PREPL: variants seen among roughly 807,000 people sequenced by gnomAD.
PREPL encodes the protein prolyl endopeptidase like.
PREPL carries 77 observed loss-of-function variants against 70.6 expected under a neutral mutation model. That is an observed-to-expected ratio of 1.09 (90% CI 0.91 to 1.32). The LOEUF is 1.32. PREPL is among the 40% of genes most tolerant of loss of function. PREPL has a pLI of 0.00. For missense variants in PREPL, 1,002 were observed against 778.2 expected (o/e 1.29, Z -3.42); for synonymous variants, 315 against 264.8 (o/e 1.19, Z -1.84).
At chr2:44,344,756 T>C (rs1316300316) in intron 2 of PREPL, among the ~76,000 whole-genome samples, 170 bp from the exon 3 acceptor site, 2 of 152,242 alleles carry the variant, frequency 1.3e-5, no homozygotes, top group Admixed American at 6.5e-5. Flanking sequence ...ATGTAGTTGA[T>C]AAGATATGGT....
chr2:44,343,839 T>C lies in PREPL; in HGVS notation c.255A>G (p.Ile85Met). 1 of 1,613,990 alleles carries C rather than the reference T, an allele frequency of 6.2e-7. No homozygotes were observed. The highest frequency in any genetic ancestry group is 2.2e-5 in the East Asian group (1 of 44,874). ...APDEKYVAAK[I>M]RTEDSEASTC... The stretch of plus-strand genomic sequence containing the variant: ...TAGATGCTTCAGAATCTTCAGTTCT[T>C]ATCTTGGCAGCCACATATTTTTCAT... Residue 85 changes from isoleucine (I) to methionine (M), a missense_variant, in exon 4 of 14, where the codon ATA becomes ATG. Transcript: ENST00000409411.
chr2:44,320,418 G>A lies in PREPL; in HGVS notation c.*938C>T. Reference sequence around the variant, plus strand: ...GTTAAATCTACATAATATGATTTCGGGCCTTCCCGCTAAAATGAGAATAAG... The same window carrying A: ...GTTAAATCTACATAATATGATTTCGAGCCTTCCCGCTAAAATGAGAATAAG... On this transcript the variant is annotated 3_prime_UTR_variant, in exon 14 of 14. Coordinates refer to ENST00000409411, the MANE Select transcript of PREPL (RefSeq NM_001171613.2). The A allele has an allele frequency of 6.2e-7, 1 of 1,614,022 alleles. No homozygotes were observed.
chr2:44,340,154 G>T (rs1261061851), intron 5 of PREPL, among the ~76,000 whole-genome samples: 1 of 151,822 alleles, frequency 6.6e-6, no homozygotes, highest in Non-Finnish European at 1.5e-5. Flanking sequence ...ATTATAACAG[G>T]TTTAATGGCT....
chr2:44,326,797 G>A lies in PREPL; in HGVS notation c.1394C>T (p.Thr465Ile), dbSNP rs773521610. The A allele has an allele frequency of 1.9e-6, 3 of 1,614,162 alleles. No individual in the cohort carries two copies. Among genetic ancestry groups the A allele is most frequent in the Admixed American group, 3.3e-5 (2 of 60,024 alleles). ...GQGFSQPSLT[T>I]LTAFSAGGVL... Reference sequence around the variant, plus strand: ...CCCTCCAGCACTGAAAGCAGTCAGGGTTGTTAGACTTGGCTGAGAAAAGCC... The same window carrying A: ...CCCTCCAGCACTGAAAGCAGTCAGGATTGTTAGACTTGGCTGAGAAAAGCC... Residue 465 changes from threonine (T) to isoleucine (I), a missense_variant, in exon 10 of 14, where the codon ACC (threonine) becomes ATC (isoleucine). Transcript: ENST00000409411.
At position 44,321,418 on chromosome 2, in the gene PREPL, C is replaced by G; in HGVS notation, c.1855G>C (p.Glu619Gln). 1 of 1,612,700 alleles carries G rather than the reference C, an allele frequency of 6.2e-7. No individual in the cohort carries two copies. The highest frequency in any genetic ancestry group is 8.5e-7 in the Non-Finnish European group (1 of 1,179,108). ...KITAQIKFLYEELGLDSTSVF... is the reference protein window; with the variant it reads ...KITAQIKFLYQELGLDSTSVF... ...CTGGTGCTGTCAAGTCCAAGTTCCT[C>G]GTACAGGAATTTAATTTGGGCTGTA... Residue 619 changes from glutamate (E) to glutamine (Q), a missense_variant, in exon 14 of 14, where the codon GAG becomes CAG. By Grantham distance (29) the Glu-to-Gln change is conservative (BLOSUM62 2). Coordinates refer to ENST00000409411, the MANE Select transcript of PREPL (RefSeq NM_001171613.2).
intron 7 of PREPL, among the ~76,000 whole-genome samples, chr2:44,333,120 T>C (rs1674289479): frequency 6.6e-6 from 1 of 152,142 alleles, no homozygotes; most frequent in African/African-American, 2.4e-5. Context: ...GCCACAGTGA[T>C]GACAGTTATT....
chr2:44,328,237 C>T (rs1673722467), intron 9 of PREPL, among the ~76,000 whole-genome samples: 1 of 147,414 alleles, frequency 6.8e-6, no homozygotes, highest in South Asian at 2.2e-4. Context: ...ACTGCACACT[C>T]CAGCCTGGGC....
chr2:44,358,269 T>G (rs945092273), intron 1 of PREPL, among the ~76,000 whole-genome samples: 5 of 152,186 alleles, frequency 3.3e-5, no homozygotes, highest in African/African-American at 1.2e-4. Context: ...AGATGAACTT[T>G]GAAAGCCACT....
chr2:44,358,120 A>G (rs1326956606), intron 1 of PREPL, among the ~76,000 whole-genome samples: 1 of 152,204 alleles, frequency 6.6e-6, no homozygotes, highest in African/African-American at 2.4e-5. Flanking sequence ...TAGATTGAAA[A>G]GATAGTTTCT....
Position 44,320,401 on chromosome 2 carries a change from T to A in PREPL, c.*955A>T. ...TTTGGAGAATCAACACTGTTAAATC[T>A]ACATAATATGATTTCGGGCCTTCCC... On this transcript the variant is annotated 3_prime_UTR_variant, in exon 14 of 14. Coordinates refer to ENST00000409411, the MANE Select transcript of PREPL (RefSeq NM_001171613.2). 3.7e-6 allele frequency: 6 copies of A among 1,614,078 alleles called. No homozygotes were observed. The highest frequency in any genetic ancestry group is 5.1e-6 in the Non-Finnish European group (6 of 1,179,912).
At chr2:44,330,558 G>T (rs1034867625) in intron 8 of PREPL, among the ~76,000 whole-genome samples, 3 of 152,000 alleles carry the variant, frequency 2.0e-5, no homozygotes, top group African/African-American at 7.2e-5. Context: ...TTTAAGATTT[G>T]TTCTGTATTT....
chr2:44,345,957 C>A (rs1038035112), intron 2 of PREPL, among the ~76,000 whole-genome samples: 1 of 151,932 alleles, frequency 6.6e-6, no homozygotes, highest in Non-Finnish European at 1.5e-5. Context: ...GCCAGGGCAA[C>A]ACAGTGAGAC....
intron 1 of PREPL, among the ~76,000 whole-genome samples, chr2:44,358,167 C>A (rs372263788): frequency 8.5e-5 from 13 of 152,178 alleles, no homozygotes; most frequent in Admixed American, 2.0e-4. Context: ...CCATCAATTA[C>A]AGGAATGGAT....
In PREPL at chr2:44,320,748, A is replaced by G. The variant is rs755700908; in HGVS notation, c.*608T>C. ...GGTGAACAATCATTAATTCTTCGAT[A>G]TTTCTGTAGCTTGAATGTAACTGCT... On this transcript the variant is annotated 3_prime_UTR_variant, in exon 14 of 14. Coordinates refer to ENST00000409411, the MANE Select transcript of PREPL (RefSeq NM_001171613.2). The G allele has an allele frequency of 7.3e-5, 65 of 891,766 alleles. No homozygotes were observed. The highest frequency in any genetic ancestry group is 5.3e-4 in the South Asian group (38 of 71,848). The allele number at this position is 891,766 out of a possible 1,614,324, so 55.2% of individuals were successfully genotyped here.
chr2:44,338,990 G>A (rs1301206348), intron 6 of PREPL, among the ~76,000 whole-genome samples, 157 bp downstream of exon 6: 1 of 152,160 alleles, frequency 6.6e-6, no homozygotes, highest in Non-Finnish European at 1.5e-5. Flanking sequence ...AAAATATGTA[G>A]AGGCATTAGC....
Position 44,318,717 on chromosome 2 carries a change from T to A in PREPL, c.*2639A>T, listed in dbSNP as rs1372754817. 2.0e-5 allele frequency: 3 copies of A among 152,198 alleles called. No homozygotes were observed. The highest frequency in any genetic ancestry group is 2.0e-4 in the Admixed American group (3 of 15,274). The allele number at this position is 152,198 out of a possible 1,614,324, so 9.4% of individuals were successfully genotyped here. On this transcript the variant is annotated 3_prime_UTR_variant, in exon 14 of 14. Transcript: ENST00000409411. ...GGAAAGGTGTTGAAGAAAACCTTTT[T>A]ATAGTATGTATTCTTGTAATTGAAT... is the stretch of plus-strand genomic sequence containing the variant.
At chr2:44,345,133 T>C (rs2104002838) in intron 2 of PREPL, among the ~76,000 whole-genome samples, 1 of 152,346 alleles carries the variant, frequency 6.6e-6, no homozygotes, top group Non-Finnish European at 1.5e-5. Flanking sequence ...AGAGAATTAA[T>C]ATTACCCAAA....
intron 5 of PREPL, among the ~76,000 whole-genome samples, chr2:44,340,599 G>T (rs1675107625): frequency 6.6e-6 from 1 of 152,024 alleles, no homozygotes; most frequent in Non-Finnish European, 1.5e-5. Flanking sequence ...TTTGAATGTA[G>T]CTTAAATTAT....
At chr2:44,326,398 T>C (rs1673492560) in intron 10 of PREPL, among the ~76,000 whole-genome samples, 1 of 151,366 alleles carries the variant, frequency 6.6e-6, no homozygotes, top group South Asian at 2.1e-4. Flanking sequence ...TTTTTTTTTT[T>C]TTTGACAATG....
Sources: gnomAD v4.1 joint callset for allele counts (sites outside exome capture counted in the v4.1 genomes callset) on GRCh38, gnomAD v4.1.1 for gene constraint, MANE v1.5 for transcripts, NCBI Gene and HGNC (gene_info 2026-07-23, HGNC 2026-07-21) for gene names.